PUDP: variants seen among roughly 807,000 people sequenced by gnomAD.
PUDP encodes pseudouridine 5'-phosphatase.
A neutral mutation model predicts 9.4 loss-of-function variants in PUDP; 8 were observed. The observed-to-expected ratio is 0.85, with a 90% confidence interval of 0.50 to 1.53. PUDP has a LOEUF of 1.53. Among genes scored for constraint, PUDP ranks in the 40% most tolerant of loss-of-function variants. The probability of loss-of-function intolerance (pLI) is 0.00; values close to 1 mark genes in which losing one functional copy is unlikely to be tolerated. For synonymous variants in PUDP, 99 were observed against 80.7 expected (o/e 1.23, Z -1.22); for missense variants, 188 against 189.7 (o/e 0.99, Z 0.05).
At chrX:6,776,913 A>G (rs1380581689) in intron 3 of PUDP, among the ~76,000 whole-genome samples, 1 of 112,442 alleles carries the variant, frequency 8.9e-6, no homozygotes, top group Non-Finnish European at 1.9e-5. Flanking sequence ...CACATCTCGG[A>G]ATATTTCCTT....
intron 3 of PUDP, among the ~76,000 whole-genome samples, chrX:6,754,075 T>C (rs946902114): frequency 8.9e-6 from 1 of 112,178 alleles, no homozygotes; most frequent in Admixed American, 9.5e-5. Context: ...GAAGGGTTTT[T>C]CCAACATTAT....
At chrX:6,782,990 G>T (rs1428594563) in intron 3 of PUDP, among the ~76,000 whole-genome samples, 2 of 111,354 alleles carry the variant, frequency 1.8e-5, no homozygotes, top group Non-Finnish European at 3.8e-5. Context: ...CAGCAAACCG[G>T]AGCGGCTCCA....
At chrX:7,037,104 T>A (rs1347123476) in intron 1 of PUDP, among the ~76,000 whole-genome samples, 1 of 111,517 alleles carries the variant, frequency 9.0e-6, no homozygotes, top group African/African-American at 3.3e-5. Context: ...CTGTTCCTCA[T>A]CTTTTTGGAC....
At chrX:7,006,079 A>G (rs1602710593) in intron 1 of PUDP, among the ~76,000 whole-genome samples, 3 of 112,264 alleles carry the variant, frequency 2.7e-5, no homozygotes, top group Non-Finnish European at 3.8e-5. Flanking sequence ...CCATTAATCT[A>G]TCCATGGACA....
intron 3 of PUDP, among the ~76,000 whole-genome samples, chrX:6,956,013 T>C (rs191982949): frequency 3.6e-5 from 4 of 111,485 alleles, no homozygotes; most frequent in African/African-American, 1.3e-4. Context: ...TTCTATCTGG[T>C]CTAAATTCCT....
At chrX:7,116,971 C>T in intron 1 of PUDP, 1 of 1,166,964 alleles carries the variant, frequency 8.6e-7, no homozygotes, top group Non-Finnish European at 1.1e-6. Context: ...CTTACCCGTC[C>T]ACCGTGATTG....
At chrX:7,099,250 C>T (rs1475621368) in intron 2 of PUDP, among the ~76,000 whole-genome samples, 1 of 112,630 alleles carries the variant, frequency 8.9e-6, no homozygotes, top group African/African-American at 3.2e-5. Context: ...TGGAGGTAAC[C>T]AGCATAGGCT....
chrX:6,752,321 T>A (rs1248437377), intron 3 of PUDP, among the ~76,000 whole-genome samples: 1 of 111,339 alleles, frequency 9.0e-6, no homozygotes, highest in Non-Finnish European at 1.9e-5. Context: ...TCTTTGCACA[T>A]ACCTGGCCAT....
At chrX:6,938,755 G>A (rs1363516236) in intron 3 of PUDP, among the ~76,000 whole-genome samples, 1 of 105,552 alleles carries the variant, frequency 9.5e-6, no homozygotes, top group Non-Finnish European at 1.9e-5. Context: ...CCTGCCTAAA[G>A]CACATTTTTT....
chrX:6,987,361 G>A (rs184415810), intron 1 of PUDP, among the ~76,000 whole-genome samples: 81 of 112,102 alleles, frequency 7.2e-4, no homozygotes, highest in African/African-American at 2.6e-3. Context: ...AACACGATAA[G>A]GAAACCAGCT....
At position 6,968,798 on chromosome X, in the gene PUDP, T is replaced by G. The variant is rs995882023; in HGVS notation, c.*247+8335A>C. On this transcript the variant is annotated intron_variant and NMD_transcript_variant, in intron 3 of 3. Transcript: ENST00000655425. Reference sequence around the variant, plus strand: ...CCATACCCAGCTAATTTTTGTATTTTTAGTAGAGACAGGGTTTCACTACGT... The same window carrying G: ...CCATACCCAGCTAATTTTTGTATTTGTAGTAGAGACAGGGTTTCACTACGT... Among the ~76,000 whole-genome samples the G allele has an allele frequency of 2.7e-5, 3 of 111,279 alleles. 1 individual carries two copies. The highest frequency in any genetic ancestry group is 9.5e-5 in the Admixed American group (1 of 10,520).
chrX:6,914,030 G>A (rs1481815723), intron 3 of PUDP, among the ~76,000 whole-genome samples: 2 of 109,067 alleles, frequency 1.8e-5, no homozygotes, highest in South Asian at 8.3e-4. Flanking sequence ...AGCCGGGCGT[G>A]GTGGCGGGCA....
rs367944041 is a variant in PUDP at position 6,793,555 on chromosome X, C to G, written c.*248-87089G>C. On this transcript the variant is annotated intron_variant and NMD_transcript_variant, in intron 3 of 3. Transcript: ENST00000655425. Reference sequence around the variant, plus strand: ...TACACATAAAAGGATTAAAGAGTCTCAATGACATGATGCTTCTTTCAATCA... The same window carrying G: ...TACACATAAAAGGATTAAAGAGTCTGAATGACATGATGCTTCTTTCAATCA... Among the ~76,000 whole-genome samples, 257 of 112,247 alleles carry G rather than the reference C, an allele frequency of 2.3e-3. 1 individual carries two copies. The South Asian group carries it at 0.065, about 29-fold the overall frequency.
At chrX:7,116,938 G>T in intron 1 of PUDP, 1 of 1,164,536 alleles carries the variant, frequency 8.6e-7, no homozygotes, top group African/African-American at 1.8e-5. Context: ...TCATGCTTTT[G>T]CCATGTTACA....
intron 3 of PUDP, among the ~76,000 whole-genome samples, chrX:6,921,507 T>C (rs1928023352): frequency 9.0e-6 from 1 of 111,684 alleles, no homozygotes; most frequent in African/African-American, 3.3e-5. Context: ...CATTCTTAAC[T>C]CTCATGCATG....
chrX:6,713,426 C>T (rs1173172516), intron 1 of PUDP, among the ~76,000 whole-genome samples: 1 of 111,131 alleles, frequency 9.0e-6, no homozygotes, highest in Non-Finnish European at 1.9e-5. Context: ...CAGTATAATA[C>T]TGAAATAAAT....
intron 1 of PUDP, among the ~76,000 whole-genome samples, chrX:7,028,134 A>C (rs1248266375): frequency 9.3e-6 from 1 of 107,850 alleles, no homozygotes; most frequent in Non-Finnish European, 1.9e-5. Context: ...TTCAATAAAA[A>C]TATATAGATA....
At chrX:7,050,572 G>A in intron 3 of PUDP, 100 bp from the exon 4 acceptor site, 1 of 747,991 alleles carries the variant, frequency 1.3e-6, no homozygotes, top group Non-Finnish European at 2.0e-6. Context: ...CAACTGTGCA[G>A]AAAGAGACAG....
intron 1 of PUDP, among the ~76,000 whole-genome samples, chrX:7,115,683 C>G (rs1932173535): frequency 8.9e-6 from 1 of 112,390 alleles, no homozygotes; most frequent in South Asian, 3.7e-4. Flanking sequence ...ACCCTAACAG[C>G]AAAAACTGTT....
Sources: gnomAD v4.1 joint callset for allele counts (sites outside exome capture counted in the v4.1 genomes callset) on GRCh38, gnomAD v4.1.1 for gene constraint, MANE v1.5 for transcripts, NCBI Gene and HGNC (gene_info 2026-07-23, HGNC 2026-07-21) for gene names.